The following TMEM38B variants were observed in gnomAD, a reference collection of about 807,000 sequenced individuals.
TMEM38B encodes the protein trimeric intracellular cation channel type B.
TMEM38B carries 24 observed loss-of-function variants against 28.7 expected under a neutral mutation model. That is an observed-to-expected ratio of 0.84 (90% CI 0.61 to 1.18). TMEM38B has a LOEUF of 1.18. TMEM38B is among the 50% of genes most tolerant of loss of function. The pLI, the probability that TMEM38B is intolerant of heterozygous loss-of-function variation, is 0.00. For synonymous variants in TMEM38B, 131 were observed against 127.7 expected, an observed-to-expected ratio of 1.03 and a Z score of -0.17; for missense variants, 380 against 350.9, an observed-to-expected ratio of 1.08 and a Z score of -0.66.
intron 1 of TMEM38B, chr9:105,700,886 G>C (rs1003957069): frequency 6.6e-6 from 1 of 151,988 alleles, no homozygotes; most frequent in African/African-American, 2.4e-5. Context: ...GATAAAAATA[G>C]AACATTTATG....
chr9:105,742,751 C>T (rs1221406234), intron 4 of TMEM38B, among the ~76,000 whole-genome samples: 1 of 152,126 alleles, frequency 6.6e-6, no homozygotes, highest in East Asian at 1.9e-4. Context: ...CATAATGAGC[C>T]ACTGTGGTGC....
At chr9:105,714,001 GA>G (rs1836004575) in intron 2 of TMEM38B, among the ~76,000 whole-genome samples, 1 of 152,040 alleles carries the variant, frequency 6.6e-6, no homozygotes, top group South Asian at 2.1e-4. Flanking sequence ...GCTGAGCACG[GA>G]GGAGTTACCC....
chr9:105,725,497 A>G (rs1222859586), intron 4 of TMEM38B, among the ~76,000 whole-genome samples: 2 of 151,714 alleles, frequency 1.3e-5, no homozygotes, highest in African/African-American at 2.4e-5. Context: ...CGATGGGGAT[A>G]TGTTCTCAGA....
At chr9:105,765,277 C>T (rs10816322) in intron 5 of TMEM38B, among the ~76,000 whole-genome samples, 30,010 of 151,998 alleles carry the variant, frequency 0.2, 3,040 homozygotes, top group Middle Eastern at 0.31. Context: ...TATTTATTGA[C>T]GAAATCATTA....
chr9:105,759,622 G>T (rs1837962178), intron 5 of TMEM38B: 3 of 1,576,836 alleles, frequency 1.9e-6, no homozygotes, highest in African/African-American at 1.3e-5. Flanking sequence ...AAGTAAAGAG[G>T]CATCCAGTGT....
chr9:105,724,430 C>T (rs1052481577), intron 4 of TMEM38B, among the ~76,000 whole-genome samples: 5 of 151,970 alleles, frequency 3.3e-5, no homozygotes, highest in Non-Finnish European at 7.4e-5. Context: ...CGACACGAGC[C>T]TGGGCAACAT....
At chr9:105,703,025 A>G (rs1213125948) in intron 1 of TMEM38B, among the ~76,000 whole-genome samples, 3 of 151,182 alleles carry the variant, frequency 2.0e-5, no homozygotes, top group Non-Finnish European at 3.0e-5. Context: ...AATTATTTGC[A>G]TTTTAAACAT....
intron 2 of TMEM38B, among the ~76,000 whole-genome samples, chr9:105,715,857 T>C (rs745325686): frequency 1.3e-5 from 2 of 152,198 alleles, no homozygotes; most frequent in Non-Finnish European, 2.9e-5. Context: ...CTGTTTTGTT[T>C]GCACATTTTC....
chr9:105,714,396 C>G (rs1797868953), intron 2 of TMEM38B, among the ~76,000 whole-genome samples: 1 of 152,144 alleles, frequency 6.6e-6, no homozygotes. Context: ...TGCCACCAGC[C>G]ACAAAGGTTT....
chr9:105,760,756 C>A (rs913662456), intron 5 of TMEM38B: 11 of 1,064,602 alleles, frequency 1.0e-5, no homozygotes, highest in South Asian at 7.4e-5. Flanking sequence ...AAGATACTAA[C>A]TGAATTAAAA....
intron 1 of TMEM38B, among the ~76,000 whole-genome samples, chr9:105,695,979 A>G (rs1365347204): frequency 2.6e-5 from 4 of 152,192 alleles, no homozygotes; most frequent in Admixed American, 6.5e-5. Flanking sequence ...TTTTTTTTGT[A>G]TAGGCTGAAT....
intron 2 of TMEM38B, chr9:105,710,878 G>C (rs1027128714): frequency 1.7e-5 from 5 of 292,266 alleles, no homozygotes; most frequent in African/African-American, 1.1e-4. Flanking sequence ...AGAGGGCTCC[G>C]CTATGGCAAC....
intron 4 of TMEM38B, among the ~76,000 whole-genome samples, chr9:105,732,520 T>C (rs1295519692): frequency 6.6e-6 from 1 of 152,250 alleles, no homozygotes; most frequent in Middle Eastern, 3.2e-3. Context: ...TTCTGTTTTC[T>C]ACATGTGGCT....
chr9:105,748,307 G>A (rs1837510020), intron 5 of TMEM38B, 117 bp downstream of exon 5: 1 of 717,658 alleles, frequency 1.4e-6, no homozygotes, highest in Admixed American at 2.7e-5. Context: ...TATCTAAGAG[G>A]AATAATTTGG....
chr9:105,710,549 C>G, intron 2 of TMEM38B: 1 of 1,008,138 alleles, frequency 9.9e-7, no homozygotes, highest in Non-Finnish European at 1.6e-6. Flanking sequence ...CTGCCCTCCA[C>G]AAATCCACTT....
intron 4 of TMEM38B, among the ~76,000 whole-genome samples, chr9:105,745,150 G>T (rs891620827): frequency 2.0e-5 from 3 of 152,172 alleles, no homozygotes; most frequent in African/African-American, 7.2e-5. Context: ...CTAGATCCCT[G>T]AGGAATCGCC....
At chr9:105,771,421 G>C (rs1250496856) in intron 5 of TMEM38B, among the ~76,000 whole-genome samples, 1 of 152,062 alleles carries the variant, frequency 6.6e-6, no homozygotes, top group Non-Finnish European at 1.5e-5. Flanking sequence ...TTTGGGAGTG[G>C]AGATTCTATT....
At chr9:105,713,903 G>A (rs992903395) in intron 2 of TMEM38B, among the ~76,000 whole-genome samples, 8 of 152,316 alleles carry the variant, frequency 5.3e-5, no homozygotes, top group Admixed American at 2.0e-4. Flanking sequence ...GTTGCAGAGA[G>A]GACCTACCCT....
intron 5 of TMEM38B, chr9:105,758,102 C>G (rs1225034885): frequency 2.3e-6 from 1 of 436,884 alleles, no homozygotes; most frequent in African/African-American, 2.0e-5. Context: ...CGCCACTGCC[C>G]AGGCCGCTGG....
Sources: allele counts gnomAD v4.1 joint callset (sites outside exome capture counted in the v4.1 genomes callset), GRCh38; gene constraint gnomAD v4.1.1; transcripts MANE v1.5; gene names NCBI Gene and HGNC (gene_info 2026-07-23, HGNC 2026-07-21).